Variants in UBE3D observed in about 807,000 individuals in gnomAD.
UBE3D encodes ubiquitin protein ligase E3D.
In UBE3D, 48 loss-of-function variants were observed where a neutral mutation model predicts 49.6. The ratio of observed to expected loss-of-function variants is 0.97; its 90% CI spans 0.77 to 1.23. UBE3D has a LOEUF of 1.23. UBE3D is among the 50% of genes most tolerant of loss of function. UBE3D has a pLI of 0.00. For missense variants in UBE3D, 452 were observed against 468.4 expected, an observed-to-expected ratio of 0.96 and a Z score of 0.32; for synonymous variants, 189 against 174.2, an observed-to-expected ratio of 1.08 and a Z score of -0.67.
chr6:82,934,023 T>C (rs1774368733), intron 9 of UBE3D, among the ~76,000 whole-genome samples: 1 of 152,140 alleles, frequency 6.6e-6, no homozygotes, highest in Non-Finnish European at 1.5e-5. Context: ...ATCCCCATAA[T>C]CCCCAAGTGT....
At chr6:82,927,203 A>G (rs1170813289) in intron 9 of UBE3D, among the ~76,000 whole-genome samples, 1 of 131,500 alleles carries the variant, frequency 7.6e-6, no homozygotes, top group Admixed American at 8.2e-5. Flanking sequence ...TGTTCCATTG[A>G]TCTATTTGTC....
chr6:82,948,139 C>T (rs1025948087), intron 9 of UBE3D, among the ~76,000 whole-genome samples: 15 of 150,700 alleles, frequency 1.0e-4, no homozygotes, highest in Middle Eastern at 3.4e-3. Context: ...AGAATAACTA[C>T]GAAAACATGA....
intron 8 of UBE3D, among the ~76,000 whole-genome samples, chr6:82,959,664 T>C (rs1776407580): frequency 7.0e-6 from 1 of 142,740 alleles, no homozygotes; most frequent in Non-Finnish European, 1.5e-5. Flanking sequence ...TCTTAAGAAT[T>C]GGCTCTGTTT....
chr6:83,035,232 T>A (rs1241423810), intron 5 of UBE3D, among the ~76,000 whole-genome samples: 2 of 151,976 alleles, frequency 1.3e-5, no homozygotes, highest in Non-Finnish European at 2.9e-5. Flanking sequence ...TTTGCTTCAA[T>A]CTAGGCTGCT....
At chr6:82,906,408 T>C (rs771371165) in intron 9 of UBE3D, among the ~76,000 whole-genome samples, 9 of 152,216 alleles carry the variant, frequency 5.9e-5, no homozygotes, top group Non-Finnish European at 1.3e-4. Context: ...GCAGTCATTC[T>C]CACTGATACT....
At chr6:83,027,251 C>A (rs1415674894) in intron 5 of UBE3D, among the ~76,000 whole-genome samples, 1 of 151,530 alleles carries the variant, frequency 6.6e-6, no homozygotes, top group Admixed American at 6.6e-5. Flanking sequence ...GCCTGGCCAA[C>A]ATGGTAAAAC....
intron 8 of UBE3D, among the ~76,000 whole-genome samples, chr6:83,002,411 G>A (rs556576406): frequency 1.7e-4 from 26 of 152,094 alleles, no homozygotes; most frequent in Non-Finnish European, 2.8e-4. Flanking sequence ...TGGGCCAAGC[G>A]TGTTGGCTCA....
intron 8 of UBE3D, among the ~76,000 whole-genome samples, chr6:82,982,304 T>G (rs1778167969): frequency 6.6e-6 from 1 of 152,174 alleles, no homozygotes; most frequent in African/African-American, 2.4e-5. Flanking sequence ...AAATATCATA[T>G]CCGTATCAAA....
At chr6:82,946,016 T>C (rs1960429) in intron 9 of UBE3D, among the ~76,000 whole-genome samples, 12,214 of 151,722 alleles carry the variant, frequency 0.081, 660 homozygotes, top group Admixed American at 0.16. Flanking sequence ...ATCTAGAAAA[T>C]AGCCTTCAAG....
rs535251215 is a variant in UBE3D at position 82,909,541 on chromosome 6, A to AT, written c.1150-16500dup. ...ATTCTGGCCCTCTCCACAGCTAAGA[A>AT]TTTTTTTCCTTAGGTTTAAATTAGC... On this transcript the variant is annotated intron_variant, in intron 9 of 9. Coordinates refer to ENST00000369747, the MANE Select transcript of UBE3D (RefSeq NM_198920.3). 3.8e-3 allele frequency among the ~76,000 whole-genome samples: 583 copies of AT among 152,232 alleles called. 5 individuals carry two copies. Among genetic ancestry groups the AT allele is most frequent in the African/African-American group, 0.013 (556 of 41,532 alleles).
At chr6:82,935,779 G>A (rs1051202305) in intron 9 of UBE3D, among the ~76,000 whole-genome samples, 35 of 152,086 alleles carry the variant, frequency 2.3e-4, no homozygotes, top group Non-Finnish European at 1.6e-4. Context: ...TCTTCAAAGC[G>A]AAAAGGGGTA....
At chr6:82,941,816 GGTACC>G (rs1268159590) in intron 9 of UBE3D, among the ~76,000 whole-genome samples, 1 of 152,178 alleles carries the variant, frequency 6.6e-6, no homozygotes, top group African/African-American at 2.4e-5. Flanking sequence ...CCTGTGAAGA[GGTACC>G]TTCTGCCATG....
the UBE3D span, among the ~76,000 whole-genome samples, chr6:82,881,279 G>A: frequency 1.3e-5 from 2 of 152,320 alleles, no homozygotes. Context: ...GGGGCTAGGA[G>A]GATGTAGGGA....
At chr6:82,906,930 T>C (rs1055522905) in intron 9 of UBE3D, among the ~76,000 whole-genome samples, 2 of 152,208 alleles carry the variant, frequency 1.3e-5, no homozygotes, top group African/African-American at 4.8e-5. Flanking sequence ...AGAAAGTTCA[T>C]GAGTCCCTCC....
At chr6:82,901,272 A>T in intron 9 of UBE3D, among the ~76,000 whole-genome samples, 1 of 152,112 alleles carries the variant, frequency 6.6e-6, no homozygotes, top group East Asian at 1.9e-4. Context: ...CTTAAAAAAA[A>T]AAAAGAGTAA....
chr6:82,909,048 G>A (rs1344273400), intron 9 of UBE3D, among the ~76,000 whole-genome samples: 4 of 152,216 alleles, frequency 2.6e-5, no homozygotes, highest in Admixed American at 2.0e-4. Context: ...GTCACAGGGA[G>A]TGTGGCAAGT....
At chr6:82,911,735 G>T (rs1236618300) in intron 9 of UBE3D, among the ~76,000 whole-genome samples, 1 of 152,152 alleles carries the variant, frequency 6.6e-6, no homozygotes, top group Non-Finnish European at 1.5e-5. Context: ...CAATGAAGGT[G>T]AGGGGGTAGA....
At chr6:83,054,092 A>C in intron 3 of UBE3D, 56 bp downstream of exon 3, 1 of 1,453,404 alleles carries the variant, frequency 6.9e-7, no homozygotes, top group South Asian at 1.1e-5. Flanking sequence ...TTCTGATAGA[A>C]AAAGAGATAA....
At chr6:83,032,603 A>G (rs1781958631) in intron 5 of UBE3D, among the ~76,000 whole-genome samples, 1 of 152,112 alleles carries the variant, frequency 6.6e-6, no homozygotes, top group African/African-American at 2.4e-5. Context: ...GATTGTTGGG[A>G]AGGCTTGGTT....
Sources: allele counts gnomAD v4.1 joint callset (sites outside exome capture counted in the v4.1 genomes callset), GRCh38; gene constraint gnomAD v4.1.1; transcripts MANE v1.5; gene names NCBI Gene and HGNC (gene_info 2026-07-23, HGNC 2026-07-21).